Variants in A1CF observed in about 807,000 individuals in gnomAD.
A1CF encodes the protein APOBEC-1 stimulating protein.
A neutral mutation model predicts 68.9 loss-of-function variants in A1CF; 48 were observed. That is an observed-to-expected ratio of 0.70 (90% confidence interval 0.55 to 0.89). The LOEUF (loss-of-function observed/expected upper bound fraction) is 0.89, where lower values mean the gene tolerates loss of function less well. A1CF is among the 40% of genes least tolerant of loss of function. The probability of loss-of-function intolerance (pLI) is 0.00; values close to 1 mark genes in which losing one functional copy is unlikely to be tolerated. For missense variants in A1CF, 653 were observed against 718.9 expected, an observed-to-expected ratio of 0.91 and a Z score of 1.05; for synonymous variants, 272 against 260.4, an observed-to-expected ratio of 1.04 and a Z score of -0.43.
chr10:50,850,296 A>G (rs1198584789), intron 3 of A1CF, among the ~76,000 whole-genome samples: 1 of 152,202 alleles, frequency 6.6e-6, no homozygotes, highest in Non-Finnish European at 1.5e-5. Context: ...TATCTTATGG[A>G]AGCAGAAGTA....
At chr10:50,808,195 G>A (rs866488906) in intron 12 of A1CF, among the ~76,000 whole-genome samples, 19 of 152,120 alleles carry the variant, frequency 1.2e-4, no homozygotes, top group African/African-American at 4.1e-4. Context: ...GTGCCAGGGT[G>A]TTTGGGTTTC....
In A1CF at chr10:50,816,046, A is replaced by T. The variant is rs777179178; in HGVS notation, c.1101T>A (p.His367Gln). Reference sequence around the variant, plus strand: ...CTCGGATAATGGCTCTGTTGCTGAGATGTCCTTTGGTGGCTGGGAAATGAA... The same window carrying T: ...CTCGGATAATGGCTCTGTTGCTGAGTTGTCCTTTGGTGGCTGGGAAATGAA... Reference protein sequence around the residue: ...PSLHFPATKGHLSNRAIIRAP... With the variant: ...PSLHFPATKGQLSNRAIIRAP... The change falls in exon 9 of 13, where the codon CAT becomes CAA. Residue 367 changes from histidine (H) to glutamine (Q), a missense_variant. His to Gln is a conservative substitution (Grantham distance 24). Transcript: ENST00000373997. 1.2e-6 allele frequency: 2 copies of T among 1,613,646 alleles called. No homozygotes were observed. The highest frequency in any genetic ancestry group is 2.7e-5 in the African/African-American group (2 of 74,888).
chr10:50,837,400 A>G (rs1357510655), intron 5 of A1CF, among the ~76,000 whole-genome samples: 2 of 152,226 alleles, frequency 1.3e-5, no homozygotes, highest in Admixed American at 1.3e-4. Context: ...AAATGTATCA[A>G]AAGTCTTAAG....
At chr10:50,851,798 A>G (rs1490385015) in intron 3 of A1CF, among the ~76,000 whole-genome samples, 1 of 152,246 alleles carries the variant, frequency 6.6e-6, no homozygotes, top group Non-Finnish European at 1.5e-5. Flanking sequence ...ACAATGTGCC[A>G]TTTAACATCA....
intron 12 of A1CF, among the ~76,000 whole-genome samples, chr10:50,808,788 A>C (rs538790234): frequency 1.3e-3 from 195 of 152,204 alleles, no homozygotes; most frequent in African/African-American, 4.5e-3. Flanking sequence ...GAGAAAAAAA[A>C]CCCCAAAACC....
rs978383708 is a variant in A1CF at position 50,800,884 on chromosome 10, T to A, written c.*5845A>T. 9 of 152,146 alleles carry A rather than the reference T, an allele frequency of 5.9e-5. No homozygotes were observed. Among genetic ancestry groups the A allele is most frequent in the Non-Finnish European group, 1.2e-4 (8 of 68,026 alleles). The allele number at this position is 152,146 out of a possible 1,614,324, so 9.4% of individuals were successfully genotyped here. On this transcript the variant is annotated 3_prime_UTR_variant, in exon 13 of 13. Transcript: ENST00000373997. The stretch of plus-strand genomic sequence containing the variant: ...AAGGGAATTAGTGTTGGAGCAAATT[T>A]GTGAAGCAGAAGGAAAAAAGGCAAT...
At chr10:50,884,784 G>A (rs985311500) in intron 1 of A1CF, among the ~76,000 whole-genome samples, 16 of 152,166 alleles carry the variant, frequency 1.1e-4, no homozygotes, top group Non-Finnish European at 2.1e-4. Context: ...AGAGAGTTTA[G>A]GGGGTTTCTG....
intron 3 of A1CF, among the ~76,000 whole-genome samples, chr10:50,844,728 T>G (rs1211548563): frequency 6.6e-6 from 1 of 152,160 alleles, no homozygotes; most frequent in African/African-American, 2.4e-5. Context: ...ACATGTAAAG[T>G]AAAAAGAAAA....
intron 3 of A1CF, among the ~76,000 whole-genome samples, chr10:50,846,458 C>A (rs956489346): frequency 1.3e-5 from 2 of 152,116 alleles, no homozygotes; most frequent in African/African-American, 4.8e-5. Context: ...TGCTTCTGAG[C>A]CCATTTTTAT....
intron 7 of A1CF, among the ~76,000 whole-genome samples, chr10:50,825,267 G>A (rs931055749): frequency 6.6e-6 from 1 of 152,056 alleles, no homozygotes; most frequent in Non-Finnish European, 1.5e-5. Context: ...TTTGCCAGGA[G>A]ACTGGGAAAT....
chr10:50,835,239 A>G (rs1839433384), intron 6 of A1CF, among the ~76,000 whole-genome samples: 1 of 151,932 alleles, frequency 6.6e-6, no homozygotes, highest in Non-Finnish European at 1.5e-5. Flanking sequence ...TAGGGGGCTG[A>G]TCTAGTATTG....
At chr10:50,829,085 T>C (rs1007494708) in intron 6 of A1CF, among the ~76,000 whole-genome samples, 3 of 152,202 alleles carry the variant, frequency 2.0e-5, no homozygotes, top group Non-Finnish European at 2.9e-5. Flanking sequence ...CTGTTTCCCA[T>C]GTGCCATCTC....
At chr10:50,858,977 T>C (rs1229209199) in intron 3 of A1CF, among the ~76,000 whole-genome samples, 2 of 152,054 alleles carry the variant, frequency 1.3e-5, no homozygotes, top group East Asian at 3.8e-4. Flanking sequence ...TAAATGTATA[T>C]TTTGCAACTG....
chr10:50,883,411 A>C (rs1394257369), intron 1 of A1CF, among the ~76,000 whole-genome samples: 1 of 152,216 alleles, frequency 6.6e-6, no homozygotes, highest in Admixed American at 6.5e-5. Context: ...AGGGAGTTTT[A>C]CAATAGGCGT....
chr10:50,869,911 TG>T (rs1224702896), intron 1 of A1CF, among the ~76,000 whole-genome samples: 1 of 151,916 alleles, frequency 6.6e-6, no homozygotes, highest in Admixed American at 6.6e-5. Context: ...ATATAGCTCT[TG>T]CTCATAATAT....
At chr10:50,872,370 T>A (rs1445493122) in intron 1 of A1CF, among the ~76,000 whole-genome samples, 2 of 152,144 alleles carry the variant, frequency 1.3e-5, no homozygotes, top group Non-Finnish European at 2.9e-5. Context: ...GGGTAATAAA[T>A]CAAGGTAGAG....
chr10:50,821,100 A>AT (rs754030333), intron 7 of A1CF, among the ~76,000 whole-genome samples: 31 of 152,216 alleles, frequency 2.0e-4, no homozygotes, highest in Non-Finnish European at 2.8e-4. Context: ...TACTTTTAAA[A>AT]ATTTAAATAT....
intron 1 of A1CF, among the ~76,000 whole-genome samples, chr10:50,869,703 A>G (rs537133143): frequency 8.5e-5 from 13 of 152,242 alleles, no homozygotes; most frequent in African/African-American, 2.9e-4. Flanking sequence ...ATTTAGACAG[A>G]TACTTGTGAA....
chr10:50,828,168 T>A lies in A1CF; in HGVS notation c.732A>T (p.Glu244Asp). 6.2e-7 allele frequency: 1 copy of A among 1,602,400 alleles called. No individual in the cohort carries two copies. Among genetic ancestry groups the A allele is most frequent in the Non-Finnish European group, 8.5e-7 (1 of 1,172,106 alleles). ...YVRNLMLSTS[E>D]EMIEKEFNNI... ...TGTTGAATTCCTTTTCAATCATCTC[T>A]TCAGAGGTAGACAGCATAAGATTTC... The change falls in exon 7 of 13, where the codon GAA becomes GAT. Residue 244 changes from glutamate (E) to aspartate (D), a missense_variant. Coordinates refer to ENST00000373997, the MANE Select transcript of A1CF (RefSeq NM_014576.4).
Sources: allele counts gnomAD v4.1 joint callset (sites outside exome capture counted in the v4.1 genomes callset), GRCh38; gene constraint gnomAD v4.1.1; transcripts MANE v1.5; gene names NCBI Gene and HGNC (gene_info 2026-07-23, HGNC 2026-07-21).